Variants in CNTN5 observed in about 807,000 individuals in gnomAD.
CNTN5 encodes the protein contactin-5.
A neutral mutation model predicts 129.1 loss-of-function variants in CNTN5; 77 were observed. The ratio of observed to expected loss-of-function variants is 0.60; its 90% CI spans 0.50 to 0.72. CNTN5 has a LOEUF of 0.72. Ranked by LOEUF, CNTN5 falls within the 30% of genes least tolerant of loss-of-function variation. CNTN5 has a pLI of 0.00. For missense variants in CNTN5, 1,478 were observed against 1,328.8 expected, an observed-to-expected ratio of 1.11 and a Z score of -1.75; for synonymous variants, 509 against 465.6, an observed-to-expected ratio of 1.09 and a Z score of -1.20.
chr11:99,715,678 A>G (rs1242737336), intron 3 of CNTN5, among the ~76,000 whole-genome samples: 1 of 152,048 alleles, frequency 6.6e-6, no homozygotes, highest in African/African-American at 2.4e-5. Context: ...ATGGTATATC[A>G]TCATCTCTTT....
At chr11:100,336,999 A>C (rs1216191) in intron 21 of CNTN5, 534,480 of 799,236 alleles carry the variant, frequency 0.67, 183,480 homozygotes, top group East Asian at 0.99. Flanking sequence ...CATTGAACCC[A>C]CACACATCTC....
intron 1 of CNTN5, among the ~76,000 whole-genome samples, chr11:99,298,004 G>A (rs914943584): frequency 6.6e-6 from 1 of 152,056 alleles, no homozygotes; most frequent in Non-Finnish European, 1.5e-5. Flanking sequence ...GAAACTCGGA[G>A]AACTCAAAAC....
At chr11:99,468,744 T>G (rs1243659346) in intron 2 of CNTN5, among the ~76,000 whole-genome samples, 4 of 151,204 alleles carry the variant, frequency 2.6e-5, no homozygotes, top group Non-Finnish European at 5.9e-5. Flanking sequence ...TTTTTTTTTT[T>G]TTTTTCTGAG....
chr11:99,689,458 T>C (rs1040463474), intron 3 of CNTN5, among the ~76,000 whole-genome samples: 24 of 127,356 alleles, frequency 1.9e-4, no homozygotes, highest in Middle Eastern at 5.6e-3. Flanking sequence ...ACCCGGGAGG[T>C]GGAGCTTGCA....
chr11:99,712,055 A>G (rs1485361608), intron 3 of CNTN5, among the ~76,000 whole-genome samples: 1 of 152,118 alleles, frequency 6.6e-6, no homozygotes, highest in Admixed American at 6.6e-5. Flanking sequence ...AGGAATCACC[A>G]CACTGTCTTC....
Position 99,075,939 on chromosome 11 carries a change from TC to T in CNTN5, c.-210+54670del, listed in dbSNP as rs200571430. On this transcript the variant is annotated intron_variant, in intron 1 of 24. Coordinates refer to ENST00000524871, the MANE Select transcript of CNTN5 (RefSeq NM_014361.4). Reference sequence around the variant, plus strand: ...ACTCTTGCTATGACTTTATATAATATCATTTAAAATTAAGTAACATGTCTTT... The same window carrying T: ...ACTCTTGCTATGACTTTATATAATATATTTAAAATTAAGTAACATGTCTTT... Among the ~76,000 whole-genome samples, 427 of 152,296 alleles carry T rather than the reference TC, an allele frequency of 2.8e-3. 1 individual carries two copies. Among genetic ancestry groups the T allele is most frequent in the African/African-American group, 1.0e-2 (414 of 41,572 alleles).
At chr11:99,259,633 A>G (rs1205465750) in intron 1 of CNTN5, among the ~76,000 whole-genome samples, 1 of 151,730 alleles carries the variant, frequency 6.6e-6, no homozygotes, top group Non-Finnish European at 1.5e-5. Flanking sequence ...TGAGGACAAG[A>G]ACTGTTGAGT....
At chr11:100,060,049 A>G (rs929152346) in intron 9 of CNTN5, among the ~76,000 whole-genome samples, 2 of 152,008 alleles carry the variant, frequency 1.3e-5, no homozygotes, top group Non-Finnish European at 1.5e-5. Flanking sequence ...TCTCTACTAA[A>G]AACGCAAAAA....
At chr11:99,812,911 T>G (rs542086301) in intron 3 of CNTN5, among the ~76,000 whole-genome samples, 9 of 152,246 alleles carry the variant, frequency 5.9e-5, no homozygotes, top group African/African-American at 2.2e-4. Flanking sequence ...CCTTTATGTT[T>G]ATTACATGTA....
chr11:100,010,236 T>A (rs930453808), intron 9 of CNTN5, among the ~76,000 whole-genome samples: 3 of 152,122 alleles, frequency 2.0e-5, no homozygotes, highest in Non-Finnish European at 2.9e-5. Context: ...CCCATACAAG[T>A]TGTTAACTAA....
intron 3 of CNTN5, among the ~76,000 whole-genome samples, chr11:99,819,267 CATCATTTT>C (rs1946692929): frequency 7.1e-6 from 1 of 140,288 alleles, no homozygotes; most frequent in Non-Finnish European, 1.5e-5. Flanking sequence ...TCCCTTCTGC[CATCATTTT>C]TCCTTTTCCC....
intron 2 of CNTN5, among the ~76,000 whole-genome samples, chr11:99,415,897 C>T (rs552935463): frequency 3.2e-4 from 48 of 152,156 alleles, no homozygotes; most frequent in Non-Finnish European, 4.0e-4. Flanking sequence ...TGATTTAATC[C>T]GAACTCAAAG....
intron 3 of CNTN5, among the ~76,000 whole-genome samples, chr11:99,561,302 A>C (rs897321345): frequency 2.6e-5 from 4 of 151,162 alleles, no homozygotes; most frequent in African/African-American, 7.4e-5. Context: ...TAAGTAAGTA[A>C]GTAAGTAAGT....
chr11:99,503,319 T>A (rs1046286832), intron 2 of CNTN5, among the ~76,000 whole-genome samples: 1 of 152,216 alleles, frequency 6.6e-6, no homozygotes, highest in African/African-American at 2.4e-5. Context: ...GTGATCCATC[T>A]TTATTTATTG....
chr11:99,534,577 ACT>A (rs1442139605), intron 2 of CNTN5, among the ~76,000 whole-genome samples: 7 of 152,210 alleles, frequency 4.6e-5, no homozygotes, highest in African/African-American at 1.4e-4. Context: ...GTTTACACAC[ACT>A]CATACAAAAA....
intron 13 of CNTN5, among the ~76,000 whole-genome samples, chr11:100,182,140 G>C (rs558442257): frequency 3.9e-5 from 6 of 152,198 alleles, no homozygotes; most frequent in African/African-American, 1.4e-4. Flanking sequence ...AGAGAATCAA[G>C]AATTTGACCT....
intron 1 of CNTN5, among the ~76,000 whole-genome samples, chr11:99,178,535 G>T (rs904885751): frequency 6.6e-6 from 1 of 151,474 alleles, no homozygotes; most frequent in African/African-American, 2.4e-5. Context: ...AAAAGAGAAC[G>T]AAACCTAGCA....
chr11:99,888,651 T>G (rs1240124194), intron 6 of CNTN5, among the ~76,000 whole-genome samples: 1 of 152,200 alleles, frequency 6.6e-6, no homozygotes, highest in Non-Finnish European at 1.5e-5. Context: ...GATTCATTCT[T>G]GGTAGTGAGC....
In CNTN5 at chr11:99,993,969, T is replaced by C. The variant is rs191295122; in HGVS notation, c.878-8065T>C. ...AGGTAAAATAATTTGAAGCCTCTTA[T>C]TCAACTCTTTTTGTTTTATTTTTAA... On this transcript the variant is annotated intron_variant, in intron 8 of 24. Transcript: ENST00000524871. 5.9e-5 allele frequency among the ~76,000 whole-genome samples: 9 copies of C among 152,286 alleles called. No homozygotes were observed. The East Asian group carries it at 1.7e-3, about 29-fold the overall frequency.
Sources: gnomAD v4.1 joint callset for allele counts (sites outside exome capture counted in the v4.1 genomes callset) on GRCh38, gnomAD v4.1.1 for gene constraint, MANE v1.5 for transcripts, NCBI Gene and HGNC (gene_info 2026-07-23, HGNC 2026-07-21) for gene names.